SLC26A9: variants seen among roughly 807,000 people sequenced by gnomAD.
SLC26A9 encodes the protein anion transporter/exchanger protein 9.
SLC26A9 carries 46 observed loss-of-function variants against 87.1 expected under a neutral mutation model. The observed-to-expected ratio is 0.53, with a 90% CI of 0.42 to 0.67. The LOEUF (loss-of-function observed/expected upper bound fraction) is 0.67. Among genes scored for constraint, SLC26A9 ranks in the 30% least tolerant of loss-of-function variants. SLC26A9 has a pLI of 0.00. For synonymous variants in SLC26A9, 437 were observed against 409.1 expected (o/e 1.07, Z -0.82); for missense variants, 927 against 1,018.3 (o/e 0.91, Z 1.22).
chr1:205,927,645 G>T, intron 9 of SLC26A9, 40 bp from the exon 10 acceptor site: 1 of 1,569,936 alleles, frequency 6.4e-7, no homozygotes, highest in South Asian at 1.2e-5. Context: ...GTGTGGGGCT[G>T]GGGGGCACGG....
chr1:205,937,270 C>T (rs1659543868), intron 1 of SLC26A9, among the ~76,000 whole-genome samples: 2 of 152,266 alleles, frequency 1.3e-5, no homozygotes, highest in East Asian at 1.9e-4. Context: ...GGAGAATGAA[C>T]CTACCCCCAG....
At chr1:205,928,555 G>T (rs1403106972) in intron 8 of SLC26A9, among the ~76,000 whole-genome samples, 1 of 152,178 alleles carries the variant, frequency 6.6e-6, no homozygotes, top group East Asian at 1.9e-4. Context: ...GCCAGCAAGC[G>T]GCTGTTCAGA....
Position 205,932,682 on chromosome 1 carries a change from C to T in SLC26A9, c.376+20G>A. 2 of 1,532,246 alleles carry T rather than the reference C, an allele frequency of 1.3e-6. No homozygotes were observed. The highest frequency in any genetic ancestry group is 1.8e-6 in the Non-Finnish European group (2 of 1,142,330). 94.9% of individuals were successfully genotyped at this position (1,532,246 alleles called of 1,614,324 possible). ...TTGGGGTCTGGGTCATCCTGCCTGC[C>T]CAGAGGGGAGAGGCCTTACCTGGCA... On this transcript the variant is annotated intron_variant, in intron 4 of 20. Coordinates refer to ENST00000367135, the MANE Select transcript of SLC26A9 (RefSeq NM_052934.4).
At chr1:205,917,443 G>T in intron 19 of SLC26A9, 89 bp from the exon 20 acceptor site, 1 of 1,303,564 alleles carries the variant, frequency 7.7e-7, no homozygotes, top group Non-Finnish European at 1.1e-6. Flanking sequence ...CAGGTGGCCG[G>T]CTCTGGTTGG....
intron 18 of SLC26A9, 137 bp from the exon 19 acceptor site, chr1:205,919,122 C>T: frequency 1.9e-6 from 2 of 1,080,676 alleles, no homozygotes; most frequent in Non-Finnish European, 2.7e-6. Context: ...AGGGCCATGG[C>T]ATTGGCAGTG....
chr1:205,916,920 G>A (rs757754045), intron 20 of SLC26A9, among the ~76,000 whole-genome samples: 10 of 151,942 alleles, frequency 6.6e-5, no homozygotes, highest in Non-Finnish European at 4.4e-5. Context: ...AGCCAACATG[G>A]TGAAAAGCTG....
At chr1:205,923,228 T>C (rs1203444135) in intron 15 of SLC26A9, 33 bp from the exon 16 acceptor site, 1 of 1,612,020 alleles carries the variant, frequency 6.2e-7, no homozygotes, top group Non-Finnish European at 8.5e-7. Context: ...AATCTTGACC[T>C]CCACCCTCTA....
intron 1 of SLC26A9, among the ~76,000 whole-genome samples, chr1:205,936,995 A>G (rs934712621): frequency 6.6e-6 from 1 of 152,226 alleles, no homozygotes; most frequent in Non-Finnish European, 1.5e-5. Flanking sequence ...CAGATTCTGT[A>G]TCACTAAAGT....
At chr1:205,920,751 G>A (rs1658793445) in intron 17 of SLC26A9, among the ~76,000 whole-genome samples, 1 of 152,168 alleles carries the variant, frequency 6.6e-6, no homozygotes, top group South Asian at 2.1e-4. Context: ...ACCTGCCTTG[G>A]CCTCCCAAAG....
At chr1:205,916,937 C>T (rs1043972795) in intron 20 of SLC26A9, among the ~76,000 whole-genome samples, 7 of 151,788 alleles carry the variant, frequency 4.6e-5, no homozygotes, top group Non-Finnish European at 7.4e-5. Context: ...GCTGTCTCTA[C>T]TAAAAATACA....
At chr1:205,935,617 T>C (rs1470442949) in intron 2 of SLC26A9, 79 bp downstream of exon 2, 1 of 1,586,544 alleles carries the variant, frequency 6.3e-7, no homozygotes, top group East Asian at 2.2e-5. Flanking sequence ...GGGATACCAG[T>C]GCAGAAGCCG....
intron 1 of SLC26A9, among the ~76,000 whole-genome samples, chr1:205,938,735 C>G (rs548335006): frequency 6.6e-6 from 1 of 152,320 alleles, no homozygotes; most frequent in Admixed American, 6.5e-5. Context: ...ACTCTTTTCC[C>G]TTCTCCTTCT....
chr1:205,927,253 G>C lies in SLC26A9; in HGVS notation c.1251C>G (p.Ile417Met), dbSNP rs1467018202. The C allele has an allele frequency of 6.2e-7, 1 of 1,614,182 alleles. No homozygotes were observed. The highest frequency in any genetic ancestry group is 1.7e-5 in the Admixed American group (1 of 60,024). The change falls in exon 11 of 21, where the codon ATC (isoleucine) becomes ATG (methionine). Residue 417 changes from isoleucine (I) to methionine (M), a missense_variant. By Grantham distance (10) the Ile-to-Met change is conservative (BLOSUM62 1). Coordinates refer to ENST00000367135, the MANE Select transcript of SLC26A9 (RefSeq NM_052934.4). Reference sequence around the variant, plus strand: ...GATAGATCCCCAGGACCAGCATGGTGATCATCACCACCAGAGACACACACA... The same window carrying C: ...GATAGATCCCCAGGACCAGCATGGTCATCATCACCACCAGAGACACACACA... ...ASLCVSLVVMITMLVLGIYLY... is the reference protein window; with the variant it reads ...ASLCVSLVVMMTMLVLGIYLY...
intron 1 of SLC26A9, among the ~76,000 whole-genome samples, chr1:205,939,240 A>C (rs1659640858): frequency 6.6e-6 from 1 of 152,194 alleles, no homozygotes; most frequent in Non-Finnish European, 1.5e-5. Flanking sequence ...ACTGCACTTG[A>C]TTTAACTCCA....
chr1:205,928,358 T>C, intron 8 of SLC26A9: 1 of 435,204 alleles, frequency 2.3e-6, no homozygotes, highest in East Asian at 4.2e-5. Context: ...CACAGACCCC[T>C]AGACCTTTGG....
At chr1:205,917,170 A>G in intron 20 of SLC26A9, 113 bp downstream of exon 20, 1 of 889,596 alleles carries the variant, frequency 1.1e-6, no homozygotes, top group South Asian at 1.7e-5. Context: ...CTTGAATGTG[A>G]CTGCTCTGGG....
chr1:205,931,885 A>G lies in SLC26A9; in HGVS notation c.527T>C (p.Leu176Pro), dbSNP rs749201580. 2 of 1,613,820 alleles carry G rather than the reference A, an allele frequency of 1.2e-6. No individual in the cohort carries two copies. Among genetic ancestry groups the G allele is most frequent in the Admixed American group, 1.7e-5 (1 of 60,014 alleles). ...EAERLHVSAT[L>P]ACLTAIIQMG... ...CTGGATGATGGCGGTGAGGCAGGCT[A>G]GCGTAGCTGACACGTGCAGCCTCTC... Residue 176 changes from leucine to proline, a missense_variant, in exon 5 of 21, where the codon CTA becomes CCA. Physicochemically the swap from Leu to Pro is moderately conservative, Grantham distance 98. Coordinates refer to ENST00000367135, the MANE Select transcript of SLC26A9 (RefSeq NM_052934.4).
intron 12 of SLC26A9, 81 bp from the exon 13 acceptor site, chr1:205,924,570 A>G (rs1165553293): frequency 4.8e-6 from 6 of 1,250,874 alleles, no homozygotes; most frequent in Non-Finnish European, 4.6e-6. Context: ...AGCCAAGGCC[A>G]TTCTCTGTTA....
intron 2 of SLC26A9, 133 bp downstream of exon 2, chr1:205,935,563 A>T: frequency 1.4e-6 from 2 of 1,385,232 alleles, no homozygotes; most frequent in Non-Finnish European, 9.9e-7. Flanking sequence ...TAAATTCATC[A>T]TTCAGAACCT....
Sources: gnomAD v4.1 joint callset for allele counts (sites outside exome capture counted in the v4.1 genomes callset) on GRCh38, gnomAD v4.1.1 for gene constraint, MANE v1.5 for transcripts, NCBI Gene and HGNC (gene_info 2026-07-23, HGNC 2026-07-21) for gene names.